ZNF732: variants seen among roughly 807,000 people sequenced by gnomAD.
ZNF732 encodes the protein zinc finger protein LOC654254.
A neutral mutation model predicts 11.5 loss-of-function variants in ZNF732; 12 were observed. The ratio of observed to expected loss-of-function variants is 1.05; its 90% CI spans 0.67 to 1.70. The LOEUF (loss-of-function observed/expected upper bound fraction) is 1.70. ZNF732 is among the 40% of genes most tolerant of loss of function. The pLI is 0.00. For synonymous variants in ZNF732, 231 were observed against 236.5 expected (o/e 0.98, Z 0.21); for missense variants, 702 against 676.9 (o/e 1.04, Z -0.41).
chr4:289,329 T>A (rs1986557), intron 3 of ZNF732, among the ~76,000 whole-genome samples: 2 of 152,314 alleles, frequency 1.3e-5, no homozygotes, highest in East Asian at 3.9e-4. Flanking sequence ...AATCCACTCC[T>A]TTTACTTTCC....
chr4:294,909 T>C (rs1719912997), intron 3 of ZNF732, among the ~76,000 whole-genome samples: 1 of 152,220 alleles, frequency 6.6e-6, no homozygotes, highest in Admixed American at 6.5e-5. Context: ...GGAAAATGCC[T>C]ATTGTTCTGA....
At chr4:281,793 T>C (rs1222024498) in intron 3 of ZNF732, among the ~76,000 whole-genome samples, 1 of 152,138 alleles carries the variant, frequency 6.6e-6, no homozygotes, top group South Asian at 2.1e-4. Context: ...TCATGAATTA[T>C]GAAGGATCAG....
intron 3 of ZNF732, among the ~76,000 whole-genome samples, chr4:287,029 T>C (rs1187913013): frequency 6.6e-6 from 1 of 152,000 alleles, no homozygotes; most frequent in Non-Finnish European, 1.5e-5. Flanking sequence ...TGCACGCCTG[T>C]AGTCCCAGCT....
intron 3 of ZNF732, among the ~76,000 whole-genome samples, chr4:290,244 C>T (rs1285142021): frequency 2.6e-5 from 4 of 152,186 alleles, no homozygotes; most frequent in African/African-American, 7.2e-5. Context: ...AAAGCAGGCC[C>T]TCACCAGGTG....
chr4:299,461 G>GTATATATATACATACACATATGTGTA (rs1720052185), intron 1 of ZNF732, among the ~76,000 whole-genome samples: 3 of 83,570 alleles, frequency 3.6e-5, no homozygotes, highest in Non-Finnish European at 6.3e-5. Context: ...ACACATATGT[G>GTATATATATACATACACATATGTGTA]TATATATATA....
chr4:283,663 G>GGACTA (rs1719662242), intron 3 of ZNF732, among the ~76,000 whole-genome samples: 1 of 151,872 alleles, frequency 6.6e-6, no homozygotes, highest in South Asian at 2.1e-4. Context: ...TAATACTGGG[G>GGACTA]GACTATATTG....
chr4:272,523 C>G lies in ZNF732; in HGVS notation c.334G>C (p.Glu112Gln), dbSNP rs2108651495. The change falls in exon 4 of 4, where the codon GAA becomes CAA. Residue 112 changes from glutamate to glutamine, a missense_variant. Coordinates refer to ENST00000419098, the MANE Select transcript of ZNF732 (RefSeq NM_001137608.3). ...TTCCTTTTACAGCTTTTTCTTAATT[C>G]TAAATTCTCATGTCCACATTTCTCA... ...RYEKCGHENL[E>Q]LRKSCKRKVQ... 1 of 1,603,284 alleles carries G rather than the reference C, an allele frequency of 6.2e-7. No homozygotes were observed. Among genetic ancestry groups the G allele is most frequent in the Non-Finnish European group, 8.5e-7 (1 of 1,174,264 alleles).
At chr4:296,819 G>C (rs1581546283) in intron 1 of ZNF732, among the ~76,000 whole-genome samples, 2 of 152,176 alleles carry the variant, frequency 1.3e-5, no homozygotes, top group East Asian at 1.9e-4. Flanking sequence ...GCACAGCATA[G>C]AGTCCCTTAC....
chr4:293,295 T>C (rs1719883176), intron 3 of ZNF732, among the ~76,000 whole-genome samples: 1 of 145,624 alleles, frequency 6.9e-6, no homozygotes, highest in African/African-American at 2.6e-5. Flanking sequence ...TATATATATA[T>C]ATATGTGTGT....
At chr4:276,342 T>C (rs2108652807) in intron 3 of ZNF732, among the ~76,000 whole-genome samples, 1 of 151,916 alleles carries the variant, frequency 6.6e-6, no homozygotes, top group Admixed American at 6.5e-5. Context: ...ACAGTGTACA[T>C]AGCTGAATGC....
chr4:285,712 C>G (rs782129904), intron 3 of ZNF732, among the ~76,000 whole-genome samples: 1 of 152,164 alleles, frequency 6.6e-6, no homozygotes, highest in Non-Finnish European at 1.5e-5. Context: ...AACAGACCCA[C>G]GGTCTCCCTC....
Position 295,439 on chromosome 4 carries a change from T to C in ZNF732, c.225A>G (p.Pro75=). ...TCTCCTTCATTCACTGTCACCTACCTGGGTGTTTGGCTACTGTCTCATGTA... is the reference window on the plus strand; with the variant it reads ...TCTCCTTCATTCACTGTCACCTACCCGGGTGTTTGGCTACTGTCTCATGTA... ...VKIHETVAKH[P]AVCSHFTQDF... The change falls in exon 3 of 4, where the codon CCA becomes CCG. Residue 75 remains proline, a splice_region_variant and synonymous_variant. Coordinates refer to ENST00000419098, the MANE Select transcript of ZNF732 (RefSeq NM_001137608.3). 2 of 1,602,906 alleles carry C rather than the reference T, an allele frequency of 1.2e-6. No homozygotes were observed. Among genetic ancestry groups the C allele is most frequent in the Non-Finnish European group, 1.7e-6 (2 of 1,174,266 alleles).
rs1553837926 is a variant in ZNF732, at chr4:272,413, T to A, written c.444A>T (p.Lys148Asn). 1 of 1,595,994 alleles carries A rather than the reference T, an allele frequency of 6.3e-7. No homozygotes were observed. Among genetic ancestry groups the A allele is most frequent in the African/African-American group, 1.3e-5 (1 of 74,478 alleles). The change falls in exon 4 of 4, where the codon AAA (lysine) becomes AAT (asparagine). Residue 148 changes from lysine to asparagine, a missense_variant. By Grantham distance (94) the Lys-to-Asn change is moderately conservative. This residue lies in a region of ZNF732 where 596 missense variants were observed against 557.9 expected (regional missense o/e 1.07). Transcript: ENST00000419098. The part of the protein sequence containing the change: ...SKIFQCNVHV[K>N]VFSTFSNSNQ... ...TTGAATTTGAAAATGTACTAAATAC[T>A]TTGACATGTACATTACACTGAAATA...
At chr4:304,571 C>A (rs977654522) in intron 1 of ZNF732, among the ~76,000 whole-genome samples, 9 of 152,272 alleles carry the variant, frequency 5.9e-5, no homozygotes, top group African/African-American at 2.2e-4. Context: ...CAGCTGCCCC[C>A]CCCCTGCAGA....
chr4:287,638 AATAT>A (rs1178417579), intron 3 of ZNF732, among the ~76,000 whole-genome samples: 1 of 151,438 alleles, frequency 6.6e-6, no homozygotes, highest in Non-Finnish European at 1.5e-5. Context: ...CTGTTTGAAA[AATAT>A]ATATATATAT....
chr4:287,902 A>C (rs1425591049), intron 3 of ZNF732, among the ~76,000 whole-genome samples: 2 of 151,884 alleles, frequency 1.3e-5, no homozygotes, highest in Non-Finnish European at 2.9e-5. Context: ...CTTTTTCCCC[A>C]CCAACAGTGC....
chr4:286,879 T>C (rs577069921), intron 3 of ZNF732, among the ~76,000 whole-genome samples: 28 of 152,248 alleles, frequency 1.8e-4, no homozygotes, highest in Admixed American at 9.8e-4. Context: ...TCGGCCAGGC[T>C]CTGTGGTTCA....
At chr4:274,867 ATATG>A (rs782365280) in intron 3 of ZNF732, among the ~76,000 whole-genome samples, 1 of 151,736 alleles carries the variant, frequency 6.6e-6, no homozygotes, top group Non-Finnish European at 1.5e-5. Flanking sequence ...ACATACGTTA[ATATG>A]TGTGTGTGTC....
At chr4:303,409 G>A (rs1720157239) in intron 1 of ZNF732, among the ~76,000 whole-genome samples, 1 of 152,140 alleles carries the variant, frequency 6.6e-6, no homozygotes, top group African/African-American at 2.4e-5. Flanking sequence ...CTGAGGTAAG[G>A]AGTTCGAGAC....
Sources: gnomAD v4.1 joint callset for allele counts (sites outside exome capture counted in the v4.1 genomes callset) on GRCh38, gnomAD v4.1.1 for gene constraint, gnomAD v4.1.1 regional missense constraint, MANE v1.5 for transcripts, NCBI Gene and HGNC (gene_info 2026-07-23, HGNC 2026-07-21) for gene names.